Variants in ZNF674 observed in about 807,000 individuals in gnomAD.
ZNF674 encodes the protein zinc finger family member 674.
A neutral mutation model predicts 7.0 loss-of-function variants in ZNF674; 2 were observed. The ratio of observed to expected loss-of-function variants is 0.29; its 90% CI spans 0.12 to 0.90. The LOEUF is 0.90. Ranked by LOEUF, ZNF674 falls within the 40% of genes least tolerant of loss-of-function variation. ZNF674 has a pLI of 0.57. For synonymous variants in ZNF674, 103 were observed against 145.2 expected, an observed-to-expected ratio of 0.71 and a Z score of 2.09; for missense variants, 297 against 415.5, an observed-to-expected ratio of 0.71 and a Z score of 2.48.
At chrX:46,515,777 G>GT (rs1395786961) in intron 5 of ZNF674, among the ~76,000 whole-genome samples, 1 of 110,906 alleles carries the variant, frequency 9.0e-6, no homozygotes, top group Non-Finnish European at 1.9e-5. Flanking sequence ...CCCAGCTAAT[G>GT]TTTTTTATTT....
intron 5 of ZNF674, among the ~76,000 whole-genome samples, chrX:46,505,041 C>T (rs1392809126): frequency 9.1e-6 from 1 of 109,924 alleles, no homozygotes; most frequent in Non-Finnish European, 1.9e-5. Context: ...AGGTGCACAC[C>T]ACCACACCTG....
At position 46,528,373 on chromosome X, in the gene ZNF674, C is replaced by G; in HGVS notation, c.215G>C (p.Gly72Ala). Residue 72 changes from glycine (G) to alanine (A), a missense_variant, in exon 5 of 6, where the codon GGG (glycine) becomes GCG (alanine). Transcript: ENST00000683375. ...PGDESWMADG[G>A]TPVRTCAEVW... ...ACCTGCACAGGTCCGTACCGGGGTCCCTCCATCTGCCATCCAGGACTCGTC... is the reference window on the plus strand; with the variant it reads ...ACCTGCACAGGTCCGTACCGGGGTCGCTCCATCTGCCATCCAGGACTCGTC... 2 of 1,211,607 alleles carry G rather than the reference C, an allele frequency of 1.7e-6. No homozygotes were observed. Among genetic ancestry groups the G allele is most frequent in the Non-Finnish European group, 2.2e-6 (2 of 895,499 alleles).
intron 5 of ZNF674, among the ~76,000 whole-genome samples, chrX:46,519,324 T>TAGATAGATAGGC (rs200470080): frequency 2.0e-3 from 215 of 106,375 alleles, no homozygotes; most frequent in African/African-American, 6.9e-3. Flanking sequence ...GATAGATAGA[T>TAGATAGATAGGC]AGGCCAGGTG....
chrX:46,514,686 T>C (rs1180663290), intron 5 of ZNF674, among the ~76,000 whole-genome samples: 1 of 112,312 alleles, frequency 8.9e-6, no homozygotes, highest in Non-Finnish European at 1.9e-5. Context: ...CAGTATTAGA[T>C]TACAACTTTG....
At position 46,500,632 on chromosome X, in the gene ZNF674, A is replaced by G; in HGVS notation, c.942T>C (p.Ser314=). ...VCDKCPKAFK[S]SYHLIRHEKT... ...TTTCATGTCTAATAAGATGATATGA[A>G]CTCTTAAAGGCTTTTGGACATTTGT... The change falls in exon 6 of 6, where the codon AGT becomes AGC. Residue 314 remains serine (S), a synonymous_variant. Transcript: ENST00000683375. The G allele has an allele frequency of 8.3e-7, 1 of 1,207,079 alleles. No homozygotes were observed.
At chrX:46,531,184 G>C (rs140106049) in intron 3 of ZNF674, among the ~76,000 whole-genome samples, 133 of 112,883 alleles carry the variant, frequency 1.2e-3, no homozygotes, top group African/African-American at 4.1e-3. Flanking sequence ...TGAGTCCAGA[G>C]AGGGCATGAA....
At chrX:46,508,225 T>C (rs1285708508) in intron 5 of ZNF674, among the ~76,000 whole-genome samples, 1 of 111,447 alleles carries the variant, frequency 9.0e-6, no homozygotes, top group Non-Finnish European at 1.9e-5. Flanking sequence ...TAATCAAGTC[T>C]TGCCATATCC....
At position 46,507,416 on chromosome X, in the gene ZNF674, T is replaced by C. The variant is rs1482978751; in HGVS notation, c.239-6081A>G. On this transcript the variant is annotated intron_variant, in intron 5 of 5. Transcript: ENST00000683375. ...TTATGCAGGGAAGGTAAATTAATCA[T>C]AGATTACTATGTGGCTTGGCTGTGT... Among the ~76,000 whole-genome samples, 4 of 111,670 alleles carry C rather than the reference T, an allele frequency of 3.6e-5. No homozygotes were observed. In the East Asian group the frequency reaches 1.1e-3, roughly 31 times the overall value.
At chrX:46,519,255 TAGATAGATA>T (rs200214713) in intron 5 of ZNF674, among the ~76,000 whole-genome samples, 3,846 of 73,779 alleles carry the variant, frequency 0.052, 80 homozygotes, top group Admixed American at 0.1. Context: ...GATAGATAGA[TAGATAGATA>T]AAGATAGATG....
intron 5 of ZNF674, among the ~76,000 whole-genome samples, chrX:46,503,686 T>C (rs1006222562): frequency 5.4e-5 from 6 of 111,679 alleles, no homozygotes; most frequent in African/African-American, 1.6e-4. Context: ...ATTGGCAAGA[T>C]AATGCTTATA....
At chrX:46,536,586 CAAAAAAAAAAAA>C (rs376640339) in intron 3 of ZNF674, among the ~76,000 whole-genome samples, 1 of 54,520 alleles carries the variant, frequency 1.8e-5, no homozygotes, top group Non-Finnish European at 3.5e-5. Flanking sequence ...GACTCCGTCT[CAAAAAAAAAAAA>C]AAAAAAAAGT....
chrX:46,523,330 T>C (rs1183222626), intron 5 of ZNF674: 1 of 120,393 alleles, frequency 8.3e-6, no homozygotes, highest in African/African-American at 3.3e-5. Context: ...TTTATTTTAT[T>C]TTATTTCTTT....
intron 5 of ZNF674, among the ~76,000 whole-genome samples, chrX:46,524,802 G>A (rs1941979569): frequency 9.0e-6 from 1 of 111,106 alleles, no homozygotes; most frequent in South Asian, 3.8e-4. Flanking sequence ...TTGAGGCCAG[G>A]AGTTCAAGAC....
chrX:46,521,204 CA>C (rs1187228041), intron 5 of ZNF674, among the ~76,000 whole-genome samples: 1,091 of 40,681 alleles, frequency 0.027, 15 homozygotes, highest in African/African-American at 0.069. Context: ...GACTCTATCT[CA>C]AAAAAAAAAA....
At chrX:46,524,184 A>G (rs746995586) in intron 5 of ZNF674, among the ~76,000 whole-genome samples, 1 of 112,485 alleles carries the variant, frequency 8.9e-6, no homozygotes, top group East Asian at 2.8e-4. Context: ...GAAGAGGAGG[A>G]AACACTTCCC....
rs78536954 is a variant in ZNF674 at position 46,532,921 on chromosome X, G to A, written c.16-4012C>T. The stretch of plus-strand genomic sequence containing the variant: ...AAAGTTTACAAATTTGTATTGGGCC[G>A]CATTCAAAGCCATCCTGGGCCGCAT... On this transcript the variant is annotated intron_variant, in intron 3 of 5. Transcript: ENST00000683375. Among the ~76,000 whole-genome samples, 412 of 111,743 alleles carry A rather than the reference G, an allele frequency of 3.7e-3. 3 individuals carry two copies. The highest frequency in any genetic ancestry group is 0.013 in the African/African-American group (394 of 30,773).
At chrX:46,531,876 T>C (rs1942114538) in intron 3 of ZNF674, among the ~76,000 whole-genome samples, 1 of 110,979 alleles carries the variant, frequency 9.0e-6, no homozygotes, top group South Asian at 3.7e-4. Context: ...AAATAAAACA[T>C]ATGTATGTGG....
At chrX:46,523,820 AT>A (rs1311469715) in intron 5 of ZNF674, among the ~76,000 whole-genome samples, 1 of 111,100 alleles carries the variant, frequency 9.0e-6, no homozygotes, top group Non-Finnish European at 1.9e-5. Flanking sequence ...AGGCTGGTAG[AT>A]CACCTGACAT....
intron 3 of ZNF674, among the ~76,000 whole-genome samples, chrX:46,538,088 CAA>C (rs11335113): frequency 7.3e-5 from 7 of 95,740 alleles, no homozygotes; most frequent in Admixed American, 2.3e-4. Context: ...GACTCCATCT[CAA>C]AAAAAAAAAA....
Sources: allele counts gnomAD v4.1 joint callset (sites outside exome capture counted in the v4.1 genomes callset), GRCh38; gene constraint gnomAD v4.1.1; transcripts MANE v1.5; gene names NCBI Gene and HGNC (gene_info 2026-07-23, HGNC 2026-07-21).